CFAP58: variants seen among roughly 807,000 people sequenced by gnomAD.
The protein encoded by CFAP58 is cilia and flagella associated protein 58.
CFAP58 carries 88 observed loss-of-function variants against 119.5 expected under a neutral mutation model. The ratio of observed to expected loss-of-function variants is 0.74; its 90% CI spans 0.62 to 0.88. The LOEUF (loss-of-function observed/expected upper bound fraction) is 0.88. Among genes scored for constraint, CFAP58 ranks in the 40% least tolerant of loss-of-function variants. The pLI is 0.00. For synonymous variants in CFAP58, 365 were observed against 366.3 expected (o/e 1.00, Z 0.04); for missense variants, 990 against 1,021.2 (o/e 0.97, Z 0.42).
At chr10:104,394,918 A>G (rs1337597817) in intron 11 of CFAP58, among the ~76,000 whole-genome samples, 1 of 152,178 alleles carries the variant, frequency 6.6e-6, no homozygotes, top group Non-Finnish European at 1.5e-5. Context: ...CTTATTTTAA[A>G]CATTGCTTCA....
intron 15 of CFAP58, among the ~76,000 whole-genome samples, chr10:104,412,842 C>T (rs10883998): frequency 0.23 from 35,340 of 152,062 alleles, 4,224 homozygotes; most frequent in Non-Finnish European, 0.26. Flanking sequence ...TCATTATAGA[C>T]GGACTGGCTC....
intron 9 of CFAP58, chr10:104,382,422 T>A: frequency 2.0e-6 from 1 of 500,848 alleles, no homozygotes; most frequent in South Asian, 2.8e-5. Context: ...CGAGGTGCCA[T>A]CACACCACCA....
chr10:104,391,120 G>T (rs2012030836), intron 9 of CFAP58, among the ~76,000 whole-genome samples: 1 of 152,176 alleles, frequency 6.6e-6, no homozygotes, highest in Non-Finnish European at 1.5e-5. Context: ...ACGGATTCTT[G>T]TAAGTGCAAT....
At position 104,365,973 on chromosome 10, in the gene CFAP58, C is replaced by A. The variant is rs753087268; in HGVS notation, c.757C>A (p.Leu253Ile). The A allele has an allele frequency of 6.2e-7, 1 of 1,606,346 alleles. No homozygotes were observed. Among genetic ancestry groups the A allele is most frequent in the Non-Finnish European group, 8.5e-7 (1 of 1,176,618 alleles). Residue 253 changes from leucine to isoleucine, a missense_variant, in exon 5 of 18, where the codon CTT becomes ATT. Transcript: ENST00000369704. ...GTATGTGCAGAAGAGCAAGGAGGAG[C>A]TTCAGAAGCTGGAGCAGCAGCTGAA... Reference protein sequence around the residue: ...QQYVQKSKEELQKLEQQLKEQ... With the variant: ...QQYVQKSKEEIQKLEQQLKEQ...
intron 15 of CFAP58, among the ~76,000 whole-genome samples, chr10:104,420,009 A>G (rs1469394716): frequency 6.6e-6 from 1 of 152,150 alleles, no homozygotes; most frequent in African/African-American, 2.4e-5. Context: ...AGGAAACTAA[A>G]GCTCAGATAG....
chr10:104,392,187 ACAGATGGGCTATTTAACC>A lies in CFAP58; in HGVS notation c.1366-45_1366-28del, dbSNP rs1383642884. On this transcript the variant is annotated intron_variant, in intron 9 of 17. Coordinates refer to ENST00000369704, the MANE Select transcript of CFAP58 (RefSeq NM_001008723.2). ...CTCCATTTGTCCTGAACCAATAAGCACAGATGGGCTATTTAACCACATTCATATATGTCTTTCTCCTCC... is the reference window on the plus strand; with the variant it reads ...CTCCATTTGTCCTGAACCAATAAGCAACATTCATATATGTCTTTCTCCTCC... 6.1e-6 allele frequency: 9 copies of A among 1,486,888 alleles called. No homozygotes were observed. In the African/African-American group the frequency reaches 1.8e-4, roughly 30 times the overall value. The allele number at this position is 1,486,888 out of a possible 1,614,324, so 92.1% of individuals were successfully genotyped here.
At position 104,360,106 on chromosome 10, in the gene CFAP58, A is replaced by G. The variant is rs1029941899; in HGVS notation, c.291+1484A>G. The stretch of plus-strand genomic sequence containing the variant: ...TTACATTAAATACTCTCTTCCACCC[A>G]TTTTATTCCTTGTCAATAAACAAGT... On this transcript the variant is annotated intron_variant, in intron 2 of 17. Coordinates refer to ENST00000369704, the MANE Select transcript of CFAP58 (RefSeq NM_001008723.2). Among the ~76,000 whole-genome samples, 3 of 152,160 alleles carry G rather than the reference A, an allele frequency of 2.0e-5. No homozygotes were observed. In the South Asian group the frequency reaches 6.2e-4, roughly 31 times the overall value.
At chr10:104,377,703 G>A (rs2011701405) in intron 8 of CFAP58, among the ~76,000 whole-genome samples, 1 of 152,162 alleles carries the variant, frequency 6.6e-6, no homozygotes, top group African/African-American at 2.4e-5. Flanking sequence ...GTCTATATTT[G>A]TTCATTCTGA....
At chr10:104,428,777 T>C (rs138973270) in intron 15 of CFAP58, among the ~76,000 whole-genome samples, 3 of 152,162 alleles carry the variant, frequency 2.0e-5, no homozygotes, top group Admixed American at 6.5e-5. Flanking sequence ...CAGCTCTTCA[T>C]GTGAGATGGA....
chr10:104,378,893 C>G (rs1023706320), intron 8 of CFAP58, among the ~76,000 whole-genome samples: 5 of 148,206 alleles, frequency 3.4e-5, no homozygotes, highest in African/African-American at 1.3e-4. Context: ...TTTTCAGCAT[C>G]AGAAATCTCC....
At position 104,454,576 on chromosome 10, in the gene CFAP58, C is replaced by T. The variant is rs1475578786; in HGVS notation, c.*46C>T. The T allele has an allele frequency of 1.4e-6, 2 of 1,395,194 alleles. No individual in the cohort carries two copies. Among genetic ancestry groups the T allele is most frequent in the East Asian group, 2.3e-5 (1 of 43,874 alleles). 86.4% of individuals were successfully genotyped at this position (1,395,194 alleles called of 1,614,324 possible). On this transcript the variant is annotated 3_prime_UTR_variant, in exon 18 of 18. Coordinates refer to ENST00000369704, the MANE Select transcript of CFAP58 (RefSeq NM_001008723.2). ...CCAGTTGAACAACTCATGAAATCTG[C>T]TCTGGGACATTTTGGGGGAATCTCA...
chr10:104,400,998 T>A, intron 13 of CFAP58, 95 bp downstream of exon 13: 1 of 824,336 alleles, frequency 1.2e-6, no homozygotes, highest in Non-Finnish European at 1.9e-6. Flanking sequence ...ATTGAAGGTC[T>A]TTATCGAGTT....
rs546590149 is a variant in CFAP58 at position 104,357,942 on chromosome 10, T to C, written c.10-399T>C. 3.9e-5 allele frequency among the ~76,000 whole-genome samples: 5 copies of C among 128,708 alleles called. No homozygotes were observed. In the East Asian group the frequency reaches 6.2e-4, roughly 16 times the overall value. The allele number at this position is 128,708 out of a possible 152,430, so 84.4% of individuals were successfully genotyped here. On this transcript the variant is annotated intron_variant, in intron 1 of 17. Transcript: ENST00000369704. Reference sequence around the variant, plus strand: ...ATATGTACACATATACACACATATATGTACACATATATACACATATATGTA... The same window carrying C: ...ATATGTACACATATACACACATATACGTACACATATATACACATATATGTA...
chr10:104,371,129 C>G (rs2014818062), intron 7 of CFAP58, 75 bp downstream of exon 7: 1 of 1,409,702 alleles, frequency 7.1e-7, no homozygotes, highest in Non-Finnish European at 9.6e-7. Context: ...CCCAGGGCTC[C>G]ATGTTTCCAA....
Position 104,370,911 on chromosome 10 carries a change from T to C in CFAP58, c.947T>C (p.Val316Ala). 1.2e-6 allele frequency: 2 copies of C among 1,612,462 alleles called. No homozygotes were observed. The highest frequency in any genetic ancestry group is 1.7e-6 in the Non-Finnish European group (2 of 1,179,594). The stretch of plus-strand genomic sequence containing the variant: ...TAATTACAGGCCAAAGAGGAAGAAG[T>C]CCATCAAATGCGCCTTGACATCGGG... Reference protein sequence around the residue: ...ALELKAKEEEVHQMRLDIGKL... With the variant: ...ALELKAKEEEAHQMRLDIGKL... The change falls in exon 7 of 18, where the codon GTC becomes GCC. Residue 316 changes from valine (V) to alanine (A), a missense_variant. Coordinates refer to ENST00000369704, the MANE Select transcript of CFAP58 (RefSeq NM_001008723.2).
intron 15 of CFAP58, among the ~76,000 whole-genome samples, chr10:104,436,249 A>G (rs890227482): frequency 4.6e-5 from 7 of 152,226 alleles, no homozygotes; most frequent in Admixed American, 2.0e-4. Flanking sequence ...TAATGTAAAT[A>G]ATTTATTAGA....
At chr10:104,403,347 G>C (rs1272829053) in intron 13 of CFAP58, among the ~76,000 whole-genome samples, 1 of 152,134 alleles carries the variant, frequency 6.6e-6, no homozygotes, top group Non-Finnish European at 1.5e-5. Context: ...GTGGAACTGT[G>C]AGTCCATTAA....
chr10:104,358,017 GTACATATATA>G (rs1564876364), intron 1 of CFAP58, among the ~76,000 whole-genome samples: 5 of 122,820 alleles, frequency 4.1e-5, no homozygotes, highest in African/African-American at 6.3e-5. Flanking sequence ...ACACATATAT[GTACATATATA>G]TACATATGTA....
chr10:104,340,754 A>G, the CFAP58 span, among the ~76,000 whole-genome samples: 1 of 152,160 alleles, frequency 6.6e-6, no homozygotes, highest in African/African-American at 2.4e-5. Flanking sequence ...CCAAATGACT[A>G]AGGACCAGGG....
Sources: gnomAD v4.1 joint callset for allele counts (sites outside exome capture counted in the v4.1 genomes callset) on GRCh38, gnomAD v4.1.1 for gene constraint, MANE v1.5 for transcripts, NCBI Gene and HGNC (gene_info 2026-07-23, HGNC 2026-07-21) for gene names.